Variants in APPL2 observed in about 807,000 individuals in gnomAD.
APPL2 encodes the protein adaptor protein, phosphotyrosine interacting with PH domain and leucine zipper 2.
APPL2 carries 84 observed loss-of-function variants against 92.7 expected under a neutral mutation model. That is an observed-to-expected ratio of 0.91 (90% CI 0.76 to 1.09). The LOEUF is 1.09. Ranked by LOEUF, APPL2 falls within the 50% of genes least tolerant of loss-of-function variation. The pLI is 0.00. For synonymous variants in APPL2, 291 were observed against 291.0 expected (o/e 1.00, Z 0.00); for missense variants, 736 against 824.5 (o/e 0.89, Z 1.31).
chr12:105,197,555 T>TAAGG (rs1887769004), intron 11 of APPL2, among the ~76,000 whole-genome samples: 1 of 152,152 alleles, frequency 6.6e-6, no homozygotes, highest in African/African-American at 2.4e-5. Context: ...CCCTCACTTA[T>TAAGG]CTCCATATGG....
chr12:105,205,042 A>G (rs1888582577), intron 8 of APPL2, among the ~76,000 whole-genome samples: 1 of 152,176 alleles, frequency 6.6e-6, no homozygotes, highest in Non-Finnish European at 1.5e-5. Flanking sequence ...GGTGGTGCCG[A>G]GAAGCCTGAT....
intron 8 of APPL2, among the ~76,000 whole-genome samples, chr12:105,205,080 G>A (rs1171003131): frequency 6.6e-6 from 1 of 152,192 alleles, no homozygotes; most frequent in Non-Finnish European, 1.5e-5. Context: ...GCCTTAGTGA[G>A]CAGCAGGAAG....
At chr12:105,210,942 C>T (rs1889159277) in intron 5 of APPL2, among the ~76,000 whole-genome samples, 1 of 152,164 alleles carries the variant, frequency 6.6e-6, no homozygotes, top group African/African-American at 2.4e-5. Flanking sequence ...CCGTCCCTAG[C>T]ACGCCTTTCT....
At chr12:105,227,668 T>G (rs1342026120) in intron 2 of APPL2, among the ~76,000 whole-genome samples, 2 of 152,178 alleles carry the variant, frequency 1.3e-5, no homozygotes, top group Non-Finnish European at 2.9e-5. Flanking sequence ...TTCTTTCCAC[T>G]TCTACTGCCA....
chr12:105,174,259 C>T lies in APPL2; in HGVS notation c.*55G>A. On this transcript the variant is annotated 3_prime_UTR_variant, in exon 21 of 21. Coordinates refer to ENST00000258530, the MANE Select transcript of APPL2 (RefSeq NM_018171.5). The stretch of plus-strand genomic sequence containing the variant: ...TGCCTGTATGTCAGAGACGTTAAAA[C>T]CCTTAGGAGGTAGCTCTCCTTCCTG... The T allele has an allele frequency of 6.3e-7, 1 of 1,595,910 alleles. No individual in the cohort carries two copies. The highest frequency in any genetic ancestry group is 2.3e-5 in the East Asian group (1 of 44,398).
chr12:105,181,112 T>C (rs1465749584), intron 17 of APPL2, among the ~76,000 whole-genome samples: 1 of 152,236 alleles, frequency 6.6e-6, no homozygotes, highest in East Asian at 1.9e-4. Flanking sequence ...CATAAATAGC[T>C]CATTATTTTG....
intron 4 of APPL2, among the ~76,000 whole-genome samples, chr12:105,214,804 G>C (rs1270244005): frequency 6.6e-6 from 1 of 152,200 alleles, no homozygotes; most frequent in Non-Finnish European, 1.5e-5. Flanking sequence ...ACCAAACCAC[G>C]ATTATGAGCT....
In APPL2 at chr12:105,179,439, A is replaced by G. The variant is rs144947946; in HGVS notation, c.1635-2177T>C. ...CTTAGCTATTGTGAATAGTGGTGCAATACACATAGTGTGCATGTGTTTTTA... is the reference window on the plus strand; with the variant it reads ...CTTAGCTATTGTGAATAGTGGTGCAGTACACATAGTGTGCATGTGTTTTTA... On this transcript the variant is annotated intron_variant, in intron 17 of 20. Coordinates refer to ENST00000258530, the MANE Select transcript of APPL2 (RefSeq NM_018171.5). Among the ~76,000 whole-genome samples the G allele has an allele frequency of 2.0e-3, 307 of 152,312 alleles. 8 individuals are homozygous for G. The East Asian group carries it at 0.048, about 24-fold the overall frequency.
chr12:105,220,098 G>C (rs1889984690), intron 2 of APPL2, among the ~76,000 whole-genome samples: 1 of 152,232 alleles, frequency 6.6e-6, no homozygotes, highest in South Asian at 2.1e-4. Flanking sequence ...CCTGTGCAAG[G>C]ATACACGGCT....
At chr12:105,201,351 TGA>T (rs1336510456) in intron 9 of APPL2, among the ~76,000 whole-genome samples, 3 of 152,024 alleles carry the variant, frequency 2.0e-5, no homozygotes, top group African/African-American at 7.3e-5. Flanking sequence ...CTGCCCCGGC[TGA>T]GAGAATGGAA....
At chr12:105,203,853 A>G in intron 8 of APPL2, 68 bp from the exon 9 acceptor site, 1 of 1,432,040 alleles carries the variant, frequency 7.0e-7, no homozygotes. Context: ...ACTGAAGGTG[A>G]GACAGGCAGC....
At chr12:105,199,623 A>G in intron 9 of APPL2, 92 bp from the exon 10 acceptor site, 1 of 1,404,214 alleles carries the variant, frequency 7.1e-7, no homozygotes, top group Admixed American at 2.2e-5. Flanking sequence ...ACCCCCGCAA[A>G]GCTTCCGGCC....
At chr12:105,194,014 G>A (rs1447875743) in intron 14 of APPL2, among the ~76,000 whole-genome samples, 2 of 152,040 alleles carry the variant, frequency 1.3e-5, no homozygotes, top group African/African-American at 2.4e-5. Context: ...CAGATACCCC[G>A]TGCCCGGCAT....
intron 2 of APPL2, among the ~76,000 whole-genome samples, chr12:105,226,757 C>A (rs747543804): frequency 6.6e-6 from 1 of 152,060 alleles, no homozygotes; most frequent in Non-Finnish European, 1.5e-5. Context: ...GGGAAAAATA[C>A]AAAAACAAAA....
At chr12:105,198,482 C>G (rs1887862495) in intron 10 of APPL2, among the ~76,000 whole-genome samples, 1 of 152,208 alleles carries the variant, frequency 6.6e-6, no homozygotes, top group South Asian at 2.1e-4. Flanking sequence ...TTTTCTACAT[C>G]TGCAGAACTA....
chr12:105,229,170 A>T lies in APPL2; in HGVS notation c.108T>A (p.Tyr36Ter). The T allele has an allele frequency of 1.9e-6, 3 of 1,613,704 alleles. No individual in the cohort carries two copies. ...FEEDAGTLTD[Y>*]TNQLLQAMQR... ...GCATTGCCTGGAGCAGCTGGTTGGT[A>T]TAGTCTGTGAGGGTGCCAGCATCTT... The change falls in exon 2 of 21, where the codon TAT becomes TAA. Residue 36 changes from tyrosine (Y) to a stop codon, truncating the protein, a stop_gained. Coordinates refer to ENST00000258530, the MANE Select transcript of APPL2 (RefSeq NM_018171.5). LOFTEE classifies it high-confidence loss of function.
Position 105,217,706 on chromosome 12 carries a change from G to A in APPL2, c.173C>T (p.Thr58Ile). 1 of 1,613,914 alleles carries A rather than the reference G, an allele frequency of 6.2e-7. No individual in the cohort carries two copies. Among genetic ancestry groups the A allele is most frequent in the Non-Finnish European group, 8.5e-7 (1 of 1,180,038 alleles). ...CAGCAGTTGCTTAGAAAGCTGTTGT[G>A]TGGCCAGGCACATCTCATTCTGTGG... ...YGAQNEMCLATQQLSKQLLAY... is the reference protein window; with the variant it reads ...YGAQNEMCLAIQQLSKQLLAY... Residue 58 changes from threonine to isoleucine, a missense_variant, in exon 3 of 21, where the codon ACA becomes ATA. Transcript: ENST00000258530.
rs896058180 is a variant in APPL2, at chr12:105,174,111, A to T, written c.*203T>A. ...AAAGACTTACCACAAAGCACCTAAA[A>T]TAACATTGTAGATGGGTGGGAACGC... On this transcript the variant is annotated 3_prime_UTR_variant, in exon 21 of 21. Transcript: ENST00000258530. 1.5e-5 allele frequency: 8 copies of T among 544,350 alleles called. 1 individual carries two copies. The highest frequency in any genetic ancestry group is 4.0e-5 in the Admixed American group (1 of 25,188). The allele number at this position is 544,350 out of a possible 1,614,324, so 33.7% of individuals were successfully genotyped here. A position where few individuals can be genotyped will look rare whatever the true frequency, so the allele number is the denominator to read the frequency against.
chr12:105,223,967 A>G (rs1366816732), intron 2 of APPL2, among the ~76,000 whole-genome samples: 4 of 152,196 alleles, frequency 2.6e-5, no homozygotes, highest in Non-Finnish European at 4.4e-5. Context: ...GTTACACAGC[A>G]AGCGGCTGAG....
Sources: gnomAD v4.1 joint callset for allele counts (sites outside exome capture counted in the v4.1 genomes callset) on GRCh38, gnomAD v4.1.1 for gene constraint, MANE v1.5 for transcripts, NCBI Gene and HGNC (gene_info 2026-07-23, HGNC 2026-07-21) for gene names.